Variants in IDO2 observed in about 807,000 individuals in gnomAD.
The protein encoded by IDO2 is indoleamine 2,3-dioxygenase 2.
In IDO2, 46 loss-of-function variants were observed where a neutral mutation model predicts 45.1. The observed-to-expected ratio is 1.02, with a 90% confidence interval of 0.80 to 1.30. The LOEUF is 1.30. IDO2 is among the 50% of genes most tolerant of loss of function. IDO2 has a pLI of 0.00. For synonymous variants in IDO2, 218 were observed against 184.9 expected (o/e 1.18, Z -1.45); for missense variants, 544 against 491.8 (o/e 1.11, Z -1.00).
At chr8:40,004,574 A>ATAGATAGATAGATAGATGATAGT (rs1802191969) in intron 8 of IDO2, among the ~76,000 whole-genome samples, 2 of 151,216 alleles carry the variant, frequency 1.3e-5, no homozygotes, top group Non-Finnish European at 2.9e-5. Context: ...TAGACGATAG[A>ATAGATAGATAGATAGATGATAGT]TAGATAGATA....
At chr8:39,956,125 T>G (rs1807887786) in intron 2 of IDO2, among the ~76,000 whole-genome samples, 2 of 151,430 alleles carry the variant, frequency 1.3e-5, no homozygotes, top group South Asian at 4.2e-4. Flanking sequence ...AGTGGTGCAG[T>G]CTCAGCTCAC....
chr8:39,994,001 T>C (rs1301025614), intron 8 of IDO2, among the ~76,000 whole-genome samples: 2 of 151,956 alleles, frequency 1.3e-5, no homozygotes, highest in Non-Finnish European at 2.9e-5. Context: ...AGTGAGACTC[T>C]GTCCCCAAAA....
chr8:40,012,421 T>C (rs1311009687), intron 9 of IDO2, among the ~76,000 whole-genome samples: 1 of 152,186 alleles, frequency 6.6e-6, no homozygotes, highest in Non-Finnish European at 1.5e-5. Flanking sequence ...GGAACCTTAA[T>C]TGCTTTGAGT....
chr8:39,935,424 GGTTGTT>G (rs72187471), intron 1 of IDO2, among the ~76,000 whole-genome samples: 5,631 of 149,934 alleles, frequency 0.038, 201 homozygotes, highest in African/African-American at 0.095. Flanking sequence ...TTACTTTTCT[GGTTGTT>G]GTTGTTGTTG....
At chr8:39,942,645 C>A (rs1364930905) in intron 1 of IDO2, among the ~76,000 whole-genome samples, 2 of 152,048 alleles carry the variant, frequency 1.3e-5, no homozygotes, top group Admixed American at 6.6e-5. Context: ...GTATAACAAA[C>A]AAACAAACAA....
chr8:39,991,637 C>G (rs1335497937), intron 8 of IDO2, among the ~76,000 whole-genome samples: 3 of 139,016 alleles, frequency 2.2e-5, no homozygotes, highest in Non-Finnish European at 4.5e-5. Flanking sequence ...GTGGCACGAT[C>G]TTGGCTCACT....
intron 1 of IDO2, among the ~76,000 whole-genome samples, chr8:39,947,775 C>T (rs1585396018): frequency 6.8e-6 from 1 of 146,552 alleles, no homozygotes; most frequent in Non-Finnish European, 1.5e-5. Context: ...AATTTATGTT[C>T]AAGTGCTATT....
intron 8 of IDO2, among the ~76,000 whole-genome samples, chr8:39,998,844 T>C (rs1286222150): frequency 6.6e-6 from 1 of 151,932 alleles, no homozygotes; most frequent in African/African-American, 2.4e-5. Flanking sequence ...GGTTTTGCCA[T>C]GTTGCCAAGG....
intron 2 of IDO2, among the ~76,000 whole-genome samples, chr8:39,954,256 A>C (rs2129593498): frequency 6.6e-6 from 1 of 152,260 alleles, no homozygotes; most frequent in African/African-American, 2.4e-5. Flanking sequence ...GTTTGGGCAG[A>C]TGCTCTGAGT....
intron 2 of IDO2, among the ~76,000 whole-genome samples, chr8:39,957,651 T>C (rs1405318305): frequency 2.6e-5 from 4 of 152,152 alleles, no homozygotes; most frequent in Non-Finnish European, 5.9e-5. Flanking sequence ...GATAGTTTGC[T>C]CTTTAAAACT....
intron 1 of IDO2, among the ~76,000 whole-genome samples, chr8:39,948,512 A>T (rs1370060541): frequency 6.6e-6 from 1 of 152,212 alleles, no homozygotes; most frequent in African/African-American, 2.4e-5. Context: ...CCTTTACCTG[A>T]CTACATGTTT....
chr8:39,976,073 A>G (rs927093073), intron 3 of IDO2, among the ~76,000 whole-genome samples: 3 of 152,066 alleles, frequency 2.0e-5, no homozygotes, highest in African/African-American at 7.2e-5. Context: ...TCCACCTCCC[A>G]GGTTCAGGCT....
chr8:40,013,828 T>A, intron 10 of IDO2, 115 bp downstream of exon 10: 1 of 826,736 alleles, frequency 1.2e-6, no homozygotes, highest in Non-Finnish European at 1.8e-6. Context: ...AGTTTATACT[T>A]CTCTAAGTCA....
At chr8:40,008,669 ACTT>A (rs1353301651) in intron 9 of IDO2, among the ~76,000 whole-genome samples, 1 of 152,230 alleles carries the variant, frequency 6.6e-6, no homozygotes, top group Non-Finnish European at 1.5e-5. Context: ...AATTGATTCT[ACTT>A]CTTCTCTATG....
intron 8 of IDO2, 90 bp downstream of exon 8, chr8:39,989,928 A>G (rs1808476774): frequency 1.3e-6 from 1 of 743,114 alleles, no homozygotes; most frequent in African/African-American, 1.8e-5. Flanking sequence ...CATGTCCTGA[A>G]GGGGGTGATA....
chr8:39,987,371 T>TAC (rs2129594682), intron 6 of IDO2: 1 of 152,774 alleles, frequency 6.5e-6, no homozygotes, highest in African/African-American at 2.4e-5. Flanking sequence ...AATGAACTAA[T>TAC]ACACACATAA....
At position 40,004,608 on chromosome 8, in the gene IDO2, A is replaced by T. The variant is rs141981688; in HGVS notation, c.668-719A>T. ...TAGATAATCTCAGAAACAGAGACAC[A>T]GTGATCTCAGTAAGATAGGCATATG... On this transcript the variant is annotated intron_variant, in intron 8 of 10. Transcript: ENST00000502986. Among the ~76,000 whole-genome samples the T allele has an allele frequency of 5.9e-3, 894 of 152,272 alleles. 10 individuals carry two copies. Among genetic ancestry groups the T allele is most frequent in the African/African-American group, 0.018 (764 of 41,554 alleles).
At chr8:39,995,147 C>T (rs1373024889) in intron 8 of IDO2, 1 of 130,026 alleles carries the variant, frequency 7.7e-6, no homozygotes, top group Non-Finnish European at 1.7e-5. Context: ...TATTATTCTT[C>T]TTCTTCTTCT....
chr8:40,012,736 G>T (rs1263260552), intron 9 of IDO2, among the ~76,000 whole-genome samples: 2 of 152,138 alleles, frequency 1.3e-5, no homozygotes, highest in Non-Finnish European at 2.9e-5. Flanking sequence ...GGAGAGGAAA[G>T]GTGGGGAGGA....
Sources: gnomAD v4.1 joint callset for allele counts (sites outside exome capture counted in the v4.1 genomes callset) on GRCh38, gnomAD v4.1.1 for gene constraint, MANE v1.5 for transcripts, NCBI Gene and HGNC (gene_info 2026-07-23, HGNC 2026-07-21) for gene names.